The following ABI1 variants were observed in gnomAD, a reference collection of about 807,000 sequenced individuals.
ABI1 encodes the protein Abelson interactor 1.
A neutral mutation model predicts 54.6 loss-of-function variants in ABI1; 14 were observed. That is an observed-to-expected ratio of 0.26 (90% CI 0.17 to 0.40). The LOEUF is 0.40. ABI1 is among the 10% of genes least tolerant of loss of function. The probability of loss-of-function intolerance (pLI) is 1.00; values close to 1 mark genes in which losing one functional copy is unlikely to be tolerated. For missense variants in ABI1, 443 were observed against 598.3 expected, an observed-to-expected ratio of 0.74 and a Z score of 2.71; for synonymous variants, 194 against 209.3, an observed-to-expected ratio of 0.93 and a Z score of 0.63.
Position 26,777,214 on chromosome 10 carries a change from C to T in ABI1, c.313G>A (p.Ala105Thr), listed in dbSNP as rs746196661. The T allele has an allele frequency of 2.5e-6, 4 of 1,608,292 alleles. No homozygotes were observed. The highest frequency in any genetic ancestry group is 3.4e-6 in the Non-Finnish European group (4 of 1,178,286). The change falls in exon 3 of 11, where the codon GCA (alanine) becomes ACA (threonine). Residue 105 changes from alanine (A) to threonine (T), a missense_variant. Ala to Thr is a moderately conservative substitution (Grantham distance 58). Transcript: ENST00000376140. ...QTVDIHKEKV[A>T]RREIGILTTN... ...GTCAAAATACCAATCTCTCTTCGTG[C>T]CACTTTCTCCTTATGAATATCCACA...
intron 8 of ABI1, among the ~76,000 whole-genome samples, chr10:26,756,584 C>T (rs1311349380): frequency 6.6e-6 from 1 of 152,070 alleles, no homozygotes; most frequent in Non-Finnish European, 1.5e-5. Flanking sequence ...GTGGAGATGA[C>T]ATAATTGACA....
At chr10:26,753,613 CTTA>C (rs1294808138) in intron 9 of ABI1, among the ~76,000 whole-genome samples, 1 of 152,150 alleles carries the variant, frequency 6.6e-6, no homozygotes, top group Non-Finnish European at 1.5e-5. Context: ...AACTGAAATA[CTTA>C]TTAATAGGCT....
At chr10:26,839,753 G>A in intron 1 of ABI1, 1 of 701,208 alleles carries the variant, frequency 1.4e-6, no homozygotes, top group African/African-American at 1.8e-5. Flanking sequence ...GAGTTTGAGA[G>A]CAGACACAGC....
At chr10:26,793,772 A>G (rs1186075673) in intron 2 of ABI1, among the ~76,000 whole-genome samples, 2 of 152,220 alleles carry the variant, frequency 1.3e-5, no homozygotes, top group African/African-American at 2.4e-5. Flanking sequence ...TCTTCTAAGC[A>G]CCAGGTCATG....
intron 1 of ABI1, among the ~76,000 whole-genome samples, chr10:26,825,062 C>G (rs2048222891): frequency 6.6e-6 from 1 of 152,162 alleles, no homozygotes. Context: ...ATATTGATGG[C>G]TGCTGACTGA....
chr10:26,755,624 C>A, intron 9 of ABI1, 31 bp downstream of exon 9: 1 of 1,555,494 alleles, frequency 6.4e-7, no homozygotes, highest in Non-Finnish European at 8.9e-7. Flanking sequence ...ACAGCCTCTA[C>A]TCTTCCATAG....
chr10:26,754,561 G>A (rs904953374), intron 9 of ABI1, among the ~76,000 whole-genome samples: 5 of 152,028 alleles, frequency 3.3e-5, no homozygotes, highest in African/African-American at 4.8e-5. Context: ...ACGTAACATC[G>A]GGTACACAAA....
At chr10:26,856,177 T>C (rs1279543028) in intron 1 of ABI1, among the ~76,000 whole-genome samples, 1 of 144,712 alleles carries the variant, frequency 6.9e-6, no homozygotes, top group African/African-American at 2.6e-5. Flanking sequence ...TCCCAGCTAC[T>C]CAGGAGGCTG....
intron 2 of ABI1, among the ~76,000 whole-genome samples, chr10:26,808,448 G>A (rs1459375897): frequency 1.3e-5 from 2 of 152,116 alleles, no homozygotes; most frequent in Non-Finnish European, 2.9e-5. Flanking sequence ...GTATGCATGT[G>A]TTAAAAGAAC....
At chr10:26,834,402 G>A (rs893977505) in intron 1 of ABI1, among the ~76,000 whole-genome samples, 1 of 151,982 alleles carries the variant, frequency 6.6e-6, no homozygotes, top group Non-Finnish European at 1.5e-5. Flanking sequence ...ACCCATAGAT[G>A]GAAGAAAATA....
At chr10:26,839,768 C>A (rs1414819871) in intron 1 of ABI1, 4 of 700,690 alleles carry the variant, frequency 5.7e-6, no homozygotes, top group Admixed American at 4.0e-5. Context: ...CACAGCAACA[C>A]AGCAAAACCA....
intron 7 of ABI1, among the ~76,000 whole-genome samples, chr10:26,761,566 C>A (rs1839162790): frequency 7.1e-6 from 1 of 141,062 alleles, no homozygotes; most frequent in Admixed American, 7.2e-5. Context: ...GGATTCCAAC[C>A]CCCACAAGGT....
chr10:26,856,433 CAAAAAAAAAAAA>C (rs58195958), intron 1 of ABI1, among the ~76,000 whole-genome samples: 40 of 57,782 alleles, frequency 6.9e-4, no homozygotes, highest in African/African-American at 1.4e-3. Context: ...ATCTGTTACT[CAAAAAAAAAAAA>C]AAAAAAAAAA....
At chr10:26,776,971 G>C in intron 3 of ABI1, 94 bp downstream of exon 3, 1 of 1,132,674 alleles carries the variant, frequency 8.8e-7, no homozygotes, top group Non-Finnish European at 1.2e-6. Context: ...CTGCTAAAGA[G>C]AATCTATTAA....
At chr10:26,801,032 G>T (rs1405638595) in intron 2 of ABI1, among the ~76,000 whole-genome samples, 1 of 152,158 alleles carries the variant, frequency 6.6e-6, no homozygotes, top group Non-Finnish European at 1.5e-5. Context: ...AAGGTCAGAT[G>T]AGGTCAAGAG....
At chr10:26,830,634 A>C (rs568585049) in intron 1 of ABI1, among the ~76,000 whole-genome samples, 2 of 151,874 alleles carry the variant, frequency 1.3e-5, no homozygotes, top group South Asian at 2.1e-4. Flanking sequence ...TAAAAAAAAA[A>C]AAAAAAACAA....
intron 2 of ABI1, among the ~76,000 whole-genome samples, chr10:26,782,023 G>A (rs919217835): frequency 6.6e-6 from 1 of 152,150 alleles, no homozygotes; most frequent in Admixed American, 6.5e-5. Context: ...CATGGTGAGA[G>A]GAACCACATC....
At chr10:26,766,137 CAT>C (rs3839924) in intron 6 of ABI1, among the ~76,000 whole-genome samples, 9,715 of 152,224 alleles carry the variant, frequency 0.064, 360 homozygotes, top group East Asian at 0.14. Context: ...AAGGTGATAA[CAT>C]AGGGAAATTT....
In ABI1 at chr10:26,765,232, G is replaced by C; in HGVS notation, c.806C>G (p.Pro269Arg). ...IPIAVPTPSP[P>R]TIGPAAPGSA... is the part of the protein sequence containing the mutation. ...AAATAACACACCTGGTCCAATAGTG[G>C]GTGGCGAAGGTGTAGGCACAGCAAT... Residue 269 changes from proline (P) to arginine (R), a missense_variant, in exon 7 of 11, where the codon CCC (proline) becomes CGC (arginine). By Grantham distance (103) the Pro-to-Arg change is moderately radical (BLOSUM62 -2). This residue lies in a region of ABI1 where 394 missense variants were observed against 484.8 expected (regional missense o/e 0.81). Coordinates refer to ENST00000376140, the MANE Select transcript of ABI1 (RefSeq NM_001012750.3). The C allele has an allele frequency of 6.2e-7, 1 of 1,603,148 alleles. No homozygotes were observed. Among genetic ancestry groups the C allele is most frequent in the Non-Finnish European group, 8.5e-7 (1 of 1,175,870 alleles).
Sources: allele counts gnomAD v4.1 joint callset (sites outside exome capture counted in the v4.1 genomes callset), GRCh38; gene constraint gnomAD v4.1.1; regional missense constraint gnomAD v4.1.1; transcripts MANE v1.5; gene names NCBI Gene and HGNC (gene_info 2026-07-23, HGNC 2026-07-21).